MED13: variants seen among roughly 807,000 people sequenced by gnomAD.
MED13 encodes the protein mediator complex subunit 13, also known as mediator of RNA polymerase II transcription subunit 13.
MED13 carries 23 observed loss-of-function variants against 225.2 expected under a neutral mutation model. The ratio of observed to expected loss-of-function variants is 0.10; its 90% CI spans 0.07 to 0.14. The LOEUF (loss-of-function observed/expected upper bound fraction) is 0.14. Ranked by LOEUF, MED13 falls within the 10% of genes least tolerant of loss-of-function variation. The pLI, the probability that MED13 is intolerant of heterozygous loss-of-function variation, is 1.00. For missense variants in MED13, 2,197 were observed against 2,594.5 expected (o/e 0.85, Z 3.33); for synonymous variants, 942 against 889.2 (o/e 1.06, Z -1.06).
chr17:61,961,244 G>A (rs1280555017), intron 22 of MED13, among the ~76,000 whole-genome samples, 154 bp from the exon 23 acceptor site: 1 of 152,100 alleles, frequency 6.6e-6, no homozygotes, highest in African/African-American at 2.4e-5. Context: ...TCATAAAAAT[G>A]TTGGCAGGGC....
chr17:62,046,026 C>T (rs1293272591), intron 3 of MED13, among the ~76,000 whole-genome samples: 1 of 152,122 alleles, frequency 6.6e-6, no homozygotes, highest in Non-Finnish European at 1.5e-5. Context: ...AGTTTCACAT[C>T]ATAAATTTTC....
chr17:62,022,073 C>G (rs919743452), intron 8 of MED13, among the ~76,000 whole-genome samples: 1 of 151,634 alleles, frequency 6.6e-6, no homozygotes, highest in Non-Finnish European at 1.5e-5. Flanking sequence ...GAGGCTGAGG[C>G]ACAAGAATCC....
Position 61,952,988 on chromosome 17 carries a change from G to A in MED13, c.6094C>T (p.Pro2032Ser), listed in dbSNP as rs1237761051. The change falls in exon 27 of 30, where the codon CCC becomes TCC. Residue 2032 changes from proline to serine, a missense_variant. Transcript: ENST00000397786. ...ACCTTGCCCGCATCACCTCCATGGGGGTAATGAGATCCTGGAGAATGTACA... is the reference window on the plus strand; with the variant it reads ...ACCTTGCCCGCATCACCTCCATGGGAGTAATGAGATCCTGGAGAATGTACA... ...SPVHSPGSHY[P>S]HGGDAGKGQS... is the part of the protein sequence containing the mutation. 1.2e-6 allele frequency: 2 copies of A among 1,613,792 alleles called. No homozygotes were observed. The highest frequency in any genetic ancestry group is 1.7e-5 in the Admixed American group (1 of 59,936).
intron 18 of MED13, 42 bp downstream of exon 18, chr17:61,967,993 C>T (rs764924909): frequency 1.5e-5 from 22 of 1,461,610 alleles, no homozygotes; most frequent in South Asian, 3.5e-5. Context: ...CAATACAAAT[C>T]GTAAGGTAGT....
intron 8 of MED13, among the ~76,000 whole-genome samples, chr17:62,026,026 T>C (rs1016773507): frequency 1.3e-5 from 2 of 152,170 alleles, no homozygotes; most frequent in African/African-American, 4.8e-5. Context: ...ACCTTGGCCC[T>C]AACCTGCAGG....
At chr17:62,030,122 A>G (rs2080740812) in intron 6 of MED13, 109 bp from the exon 7 acceptor site, 12 of 1,026,162 alleles carry the variant, frequency 1.2e-5, no homozygotes, top group Non-Finnish European at 1.6e-5. Context: ...GCTATCTGGT[A>G]AAATTATTTA....
chr17:62,030,155 T>G, intron 6 of MED13, 142 bp from the exon 7 acceptor site: 3 of 828,340 alleles, frequency 3.6e-6, no homozygotes, highest in Non-Finnish European at 5.1e-6. Context: ...AAAAGCATGC[T>G]ACTTTTTGGA....
At chr17:61,969,041 C>G (rs1157701600) in intron 17 of MED13, among the ~76,000 whole-genome samples, 1 of 152,144 alleles carries the variant, frequency 6.6e-6, no homozygotes, top group Non-Finnish European at 1.5e-5. Flanking sequence ...CAGGAGCCAC[C>G]ACGTCTGGTC....
intron 3 of MED13, among the ~76,000 whole-genome samples, chr17:62,041,038 C>A (rs1158994356): frequency 6.6e-6 from 1 of 152,138 alleles, no homozygotes; most frequent in Non-Finnish European, 1.5e-5. Context: ...TGGGTAGACA[C>A]CCAAAGGAAC....
chr17:61,972,213 T>C (rs1397920864), intron 17 of MED13, among the ~76,000 whole-genome samples: 1 of 152,102 alleles, frequency 6.6e-6, no homozygotes, highest in Non-Finnish European at 1.5e-5. Context: ...ATTCAAATAT[T>C]TGGAATGGCA....
chr17:61,993,554 A>G (rs2080320967), intron 10 of MED13, among the ~76,000 whole-genome samples: 1 of 151,888 alleles, frequency 6.6e-6, no homozygotes, highest in Non-Finnish European at 1.5e-5. Flanking sequence ...CACTACTCTC[A>G]TACTTCCAAA....
intron 3 of MED13, among the ~76,000 whole-genome samples, chr17:62,050,597 C>T (rs1218793143): frequency 6.6e-6 from 1 of 151,698 alleles, no homozygotes; most frequent in African/African-American, 2.4e-5. Flanking sequence ...TTAAAAGAAA[C>T]AGAAGAATTA....
intron 2 of MED13, among the ~76,000 whole-genome samples, chr17:62,062,362 GGAA>G (rs1215726503): frequency 6.6e-6 from 1 of 152,112 alleles, no homozygotes; most frequent in Non-Finnish European, 1.5e-5. Context: ...AAGAAAATAA[GGAA>G]GTAATCACAT....
In MED13 at chr17:62,046,409, T is replaced by C. The variant is rs193272079; in HGVS notation, c.470+6128A>G. Among the ~76,000 whole-genome samples, 3 of 152,344 alleles carry C rather than the reference T, an allele frequency of 2.0e-5. No individual in the cohort carries two copies. In the East Asian group the frequency reaches 5.8e-4, roughly 29 times the overall value. On this transcript the variant is annotated intron_variant, in intron 3 of 29. Transcript: ENST00000397786. Reference sequence around the variant, plus strand: ...TCGAAAGAGCATATACTATTTCTGGTAACACTTCACTAATAAAATACAATC... The same window carrying C: ...TCGAAAGAGCATATACTATTTCTGGCAACACTTCACTAATAAAATACAATC...
At chr17:62,056,674 T>C (rs1042270447) in intron 2 of MED13, among the ~76,000 whole-genome samples, 6 of 152,026 alleles carry the variant, frequency 3.9e-5, no homozygotes, top group African/African-American at 1.4e-4. Flanking sequence ...GGTGGGAGGA[T>C]TGCTTGAGTC....
In MED13 at chr17:61,955,720, C is replaced by T; in HGVS notation, c.5742G>A (p.Leu1914=). Residue 1914 remains leucine (L), a synonymous_variant, in exon 25 of 30, where the codon TTG becomes TTA. Coordinates refer to ENST00000397786, the MANE Select transcript of MED13 (RefSeq NM_005121.3). ...AAGAGCCTTGCGGCTCCATTGCCACCAAGCAAGCACTGAGAATGCTAGGGG... is the reference window on the plus strand; with the variant it reads ...AAGAGCCTTGCGGCTCCATTGCCACTAAGCAAGCACTGAGAATGCTAGGGG... ...ADSPSILSAC[L]VAMEPQGSFV... is the part of the protein sequence containing the mutation. 6.2e-7 allele frequency: 1 copy of T among 1,609,896 alleles called. No individual in the cohort carries two copies. The highest frequency in any genetic ancestry group is 1.1e-5 in the South Asian group (1 of 89,912).
rs141049419 is a variant in MED13, at chr17:62,017,941, T to C, written c.1284-6708A>G. On this transcript the variant is annotated intron_variant, in intron 8 of 29. Coordinates refer to ENST00000397786, the MANE Select transcript of MED13 (RefSeq NM_005121.3). Reference sequence around the variant, plus strand: ...AACTAGCTTTTTTCATGAAACACCATTTGAAGAACAAAGGACTGGTAGATA... The same window carrying C: ...AACTAGCTTTTTTCATGAAACACCACTTGAAGAACAAAGGACTGGTAGATA... 7.4e-4 allele frequency among the ~76,000 whole-genome samples: 113 copies of C among 152,342 alleles called. 1 individual carries two copies. In the East Asian group the frequency reaches 0.02, roughly 27 times the overall value.
intron 2 of MED13, among the ~76,000 whole-genome samples, chr17:62,056,096 T>C (rs1210969169): frequency 2.0e-5 from 3 of 152,224 alleles, no homozygotes; most frequent in Admixed American, 2.0e-4. Context: ...TAATTTCATA[T>C]TTTGTTGCTG....
chr17:62,064,981 G>GC (rs1396326065), intron 1 of MED13, among the ~76,000 whole-genome samples, 159 bp downstream of exon 1: 1 of 152,176 alleles, frequency 6.6e-6, no homozygotes, highest in Non-Finnish European at 1.5e-5. Flanking sequence ...AGCGAACGCC[G>GC]CCTCCCGGGG....
Sources: gnomAD v4.1 joint callset for allele counts (sites outside exome capture counted in the v4.1 genomes callset) on GRCh38, gnomAD v4.1.1 for gene constraint, MANE v1.5 for transcripts, NCBI Gene and HGNC (gene_info 2026-07-23, HGNC 2026-07-21) for gene names.